The following COL11A1 variants were observed in gnomAD, a reference collection of about 807,000 sequenced individuals.
The protein encoded by COL11A1 is collagen type XI alpha 1 chain.
In COL11A1, 74 loss-of-function variants were observed where a neutral mutation model predicts 265.2. The ratio of observed to expected loss-of-function variants is 0.28; its 90% CI spans 0.23 to 0.34. COL11A1 has a LOEUF of 0.34. Among genes scored for constraint, COL11A1 ranks in the 10% least tolerant of loss-of-function variants. The pLI is 1.00. For missense variants in COL11A1, 2,165 were observed against 2,263.6 expected, an observed-to-expected ratio of 0.96 and a Z score of 0.88; for synonymous variants, 816 against 727.6, an observed-to-expected ratio of 1.12 and a Z score of -1.96.
In COL11A1 at chr1:102,925,721, C is replaced by A. The variant is rs1439996307; in HGVS notation, c.3601-2332G>T. Among the ~76,000 whole-genome samples the A allele has an allele frequency of 3.3e-5, 5 of 151,978 alleles. No homozygotes were observed. In the East Asian group the frequency reaches 9.6e-4, roughly 29 times the overall value. On this transcript the variant is annotated intron_variant, in intron 46 of 66. Coordinates refer to ENST00000370096, the MANE Select transcript of COL11A1 (RefSeq NM_001854.4). ...TCTAAATCAGTCAATTTCAGAAATTCAAAATCTGAATTTGATGAAACACAT... is the reference window on the plus strand; with the variant it reads ...TCTAAATCAGTCAATTTCAGAAATTAAAAATCTGAATTTGATGAAACACAT...
chr1:103,081,490 A>G (rs1046043547), intron 2 of COL11A1, among the ~76,000 whole-genome samples: 3 of 151,802 alleles, frequency 2.0e-5, no homozygotes, highest in African/African-American at 7.2e-5. Flanking sequence ...TTTTATTTTC[A>G]AAGTCAGAAA....
At chr1:103,048,700 A>AT (rs1466781673) in intron 4 of COL11A1, among the ~76,000 whole-genome samples, 1 of 152,060 alleles carries the variant, frequency 6.6e-6, no homozygotes, top group Non-Finnish European at 1.5e-5. Context: ...TAGGGTGTCA[A>AT]TTTTGGATCT....
At chr1:102,991,834 AT>A (rs5776670) in intron 28 of COL11A1, among the ~76,000 whole-genome samples, 112,946 of 142,262 alleles carry the variant, frequency 0.79, 46,317 homozygotes, top group East Asian at 0.92. Flanking sequence ...CATGCCAGGA[AT>A]TTTTTTTTTT....
intron 2 of COL11A1, among the ~76,000 whole-genome samples, chr1:103,080,439 A>G (rs1672314541): frequency 6.6e-6 from 1 of 152,004 alleles, no homozygotes; most frequent in Admixed American, 6.6e-5. Context: ...AGGGGTTAAT[A>G]TTAAAAACAT....
chr1:103,025,924 ATCT>A, intron 6 of COL11A1: 1 of 1,612,670 alleles, frequency 6.2e-7, no homozygotes, highest in South Asian at 1.1e-5. Flanking sequence ...CACTGTCCTC[ATCT>A]TCTTTTTGAA....
At chr1:103,059,272 C>T (rs1670475644) in intron 4 of COL11A1, among the ~76,000 whole-genome samples, 1 of 152,118 alleles carries the variant, frequency 6.6e-6, no homozygotes, top group Admixed American at 6.6e-5. Context: ...CCATCCTGTT[C>T]CACCTAAGGT....
rs376520473 is a variant in COL11A1, at chr1:103,015,694, G to A, written c.1462C>T (p.Pro488Ser). 6.2e-7 allele frequency: 1 copy of A among 1,608,874 alleles called. No homozygotes were observed. Among genetic ancestry groups the A allele is most frequent in the Non-Finnish European group, 8.5e-7 (1 of 1,177,048 alleles). The stretch of plus-strand genomic sequence containing the variant: ...GGTAACATCAACATAGTACCAGGAG[G>A]ACCAGGTAGACCATCAGCCCCTGGT... The part of the protein sequence containing the change: ...GLPGADGLPG[P>S]PGTMLMLPFR... The change falls in exon 12 of 67, where the codon CCT (proline) becomes TCT (serine). Residue 488 changes from proline (P) to serine (S), a missense_variant. Coordinates refer to ENST00000370096, the MANE Select transcript of COL11A1 (RefSeq NM_001854.4).
chr1:102,938,747 A>C (rs1658409644), intron 44 of COL11A1, among the ~76,000 whole-genome samples: 1 of 152,136 alleles, frequency 6.6e-6, no homozygotes, highest in Non-Finnish European at 1.5e-5. Context: ...ATGTATACAA[A>C]ATTTCTCATA....
chr1:103,097,586 A>T (rs2102401245), intron 1 of COL11A1, among the ~76,000 whole-genome samples: 1 of 152,134 alleles, frequency 6.6e-6, no homozygotes, highest in Non-Finnish European at 1.5e-5. Flanking sequence ...TTGATTAATT[A>T]CTGTCTCCTC....
At chr1:103,092,936 A>T (rs1272866818) in intron 1 of COL11A1, among the ~76,000 whole-genome samples, 1 of 152,104 alleles carries the variant, frequency 6.6e-6, no homozygotes, top group Non-Finnish European at 1.5e-5. Flanking sequence ...CCATTTCAAG[A>T]TAAATGAGTC....
chr1:102,892,208 A>G (rs1231988931), intron 57 of COL11A1, among the ~76,000 whole-genome samples: 1 of 152,174 alleles, frequency 6.6e-6, no homozygotes, highest in African/African-American at 2.4e-5. Context: ...AATTAGCTCA[A>G]TTATAATTTC....
intron 12 of COL11A1, 60 bp from the exon 13 acceptor site, chr1:103,014,654 T>C (rs970550878): frequency 7.1e-7 from 1 of 1,411,280 alleles, no homozygotes; most frequent in African/African-American, 1.4e-5. Context: ...TTGAATTACG[T>C]GCTTTGATCA....
intron 46 of COL11A1, among the ~76,000 whole-genome samples, chr1:102,929,541 GT>G (rs935526501): frequency 6.6e-6 from 1 of 151,996 alleles, no homozygotes; most frequent in Non-Finnish European, 1.5e-5. Flanking sequence ...CTCCAGCTTT[GT>G]TTTTTTGGCT....
At chr1:103,082,751 A>G in intron 2 of COL11A1, 54 bp downstream of exon 2, 1 of 1,469,518 alleles carries the variant, frequency 6.8e-7, no homozygotes, top group Non-Finnish European at 9.4e-7. Flanking sequence ...AGTAGTAACA[A>G]AAGTGTAATA....
At chr1:102,967,523 A>C (rs1313156454) in intron 37 of COL11A1, among the ~76,000 whole-genome samples, 1 of 152,080 alleles carries the variant, frequency 6.6e-6, no homozygotes, top group Non-Finnish European at 1.5e-5. Context: ...TACAGGCGTG[A>C]GCCACCACGC....
intron 41 of COL11A1, among the ~76,000 whole-genome samples, chr1:102,947,854 C>CA (rs1215438030): frequency 1.3e-5 from 2 of 151,716 alleles, no homozygotes; most frequent in South Asian, 2.1e-4. Flanking sequence ...TAAAAGATAA[C>CA]AAAAAATTGT....
At chr1:103,023,869 T>C (rs1667305397) in intron 7 of COL11A1, among the ~76,000 whole-genome samples, 1 of 152,090 alleles carries the variant, frequency 6.6e-6, no homozygotes, top group Admixed American at 6.5e-5. Flanking sequence ...GCAAATAAAA[T>C]AAATGATAGC....
At chr1:103,093,365 A>G (rs1332163327) in intron 1 of COL11A1, among the ~76,000 whole-genome samples, 2 of 152,164 alleles carry the variant, frequency 1.3e-5, no homozygotes, top group Non-Finnish European at 2.9e-5. Flanking sequence ...AGATACCATT[A>G]GAAAAACCAC....
At chr1:103,011,116 C>T (rs1316249381) in intron 14 of COL11A1, among the ~76,000 whole-genome samples, 2 of 152,134 alleles carry the variant, frequency 1.3e-5, no homozygotes, top group Non-Finnish European at 2.9e-5. Context: ...GAATCTACAA[C>T]ATTACAGTCT....
Sources: allele counts gnomAD v4.1 joint callset (sites outside exome capture counted in the v4.1 genomes callset), GRCh38; gene constraint gnomAD v4.1.1; transcripts MANE v1.5; gene names NCBI Gene and HGNC (gene_info 2026-07-23, HGNC 2026-07-21).